The following BACH2 variants were observed in gnomAD, a reference collection of about 807,000 sequenced individuals.
The protein encoded by BACH2 is BACH transcriptional regulator 2.
A neutral mutation model predicts 61.8 loss-of-function variants in BACH2; 5 were observed. The ratio of observed to expected loss-of-function variants is 0.08; its 90% CI spans 0.04 to 0.17. The LOEUF (loss-of-function observed/expected upper bound fraction) is 0.17, where lower values mean the gene tolerates loss of function less well. Among genes scored for constraint, BACH2 ranks in the 10% least tolerant of loss-of-function variants. BACH2 has a pLI of 1.00. For missense variants in BACH2, 824 were observed against 1,091.1 expected, an observed-to-expected ratio of 0.76 and a Z score of 3.45; for synonymous variants, 446 against 440.1, an observed-to-expected ratio of 1.01 and a Z score of -0.17.
rs536473817 is a variant in BACH2, at chr6:90,281,008, A to T, written c.-445-9067T>A. 3.9e-5 allele frequency among the ~76,000 whole-genome samples: 6 copies of T among 152,332 alleles called. No homozygotes were observed. The South Asian group carries it at 1.2e-3, about 32-fold the overall frequency. Reference sequence around the variant, plus strand: ...GGTTTCCAGACCCCTAAACATCTTTATCACAGAAAATGCTCCCTCTGTGGT... The same window carrying T: ...GGTTTCCAGACCCCTAAACATCTTTTTCACAGAAAATGCTCCCTCTGTGGT... On this transcript the variant is annotated intron_variant, in intron 1 of 8. Coordinates refer to ENST00000257749, the MANE Select transcript of BACH2 (RefSeq NM_021813.4).
At chr6:90,103,383 C>T (rs1006348939) in intron 4 of BACH2, among the ~76,000 whole-genome samples, 3 of 151,876 alleles carry the variant, frequency 2.0e-5, no homozygotes, top group Non-Finnish European at 4.4e-5. Context: ...GAAGTGTGTC[C>T]GTGTGATGCT....
chr6:89,963,253 G>A (rs74541063), intron 6 of BACH2, among the ~76,000 whole-genome samples: 2,400 of 152,254 alleles, frequency 0.016, 66 homozygotes, highest in African/African-American at 0.055. Flanking sequence ...CGAGGCCGTG[G>A]AGAAATTGAA....
chr6:90,060,092 T>C (rs1780603174), intron 5 of BACH2, among the ~76,000 whole-genome samples: 1 of 151,350 alleles, frequency 6.6e-6, no homozygotes, highest in Non-Finnish European at 1.5e-5. Context: ...AAGCTGCACG[T>C]CGTGCACATG....
In BACH2 at chr6:89,926,683, T is replaced by C. The variant is rs1772376725; in HGVS notation, c.*5725A>G. 6.7e-6 allele frequency: 1 copy of C among 149,470 alleles called. No individual in the cohort carries two copies. Among genetic ancestry groups the C allele is most frequent in the Non-Finnish European group, 1.5e-5 (1 of 67,610 alleles). The allele number at this position is 149,470 out of a possible 1,614,324, so 9.3% of individuals were successfully genotyped here. A position where few individuals can be genotyped will look rare whatever the true frequency, so the allele number is the denominator to read the frequency against. On this transcript the variant is annotated 3_prime_UTR_variant, in exon 9 of 9. Coordinates refer to ENST00000257749, the MANE Select transcript of BACH2 (RefSeq NM_021813.4). ...AATGAAGTTTCAATTCATTAGTTCA[T>C]AGCAATGCTTTTTTCCCCCAAAAGG...
chr6:90,177,033 A>C (rs1343090798), intron 4 of BACH2, among the ~76,000 whole-genome samples: 14 of 152,164 alleles, frequency 9.2e-5, no homozygotes. Context: ...ATATTAAAAT[A>C]TTATTTCATG....
chr6:89,937,397 C>T (rs1468092008), intron 8 of BACH2, among the ~76,000 whole-genome samples: 1 of 152,184 alleles, frequency 6.6e-6, no homozygotes, highest in Non-Finnish European at 1.5e-5. Flanking sequence ...AGCCCTTCTG[C>T]AGTTCCCTCC....
intron 6 of BACH2, among the ~76,000 whole-genome samples, chr6:89,959,644 T>C (rs1179386158): frequency 1.3e-5 from 2 of 152,218 alleles, no homozygotes; most frequent in East Asian, 3.8e-4. Context: ...ACAACTTAAC[T>C]ACCTTAATAC....
At chr6:90,119,064 T>C (rs1783517999) in intron 4 of BACH2, among the ~76,000 whole-genome samples, 1 of 152,228 alleles carries the variant, frequency 6.6e-6, no homozygotes, top group Non-Finnish European at 1.5e-5. Context: ...AAATATATGT[T>C]ATCATCCACC....
intron 6 of BACH2, among the ~76,000 whole-genome samples, chr6:89,986,015 C>A (rs1030998220): frequency 6.6e-6 from 1 of 152,152 alleles, no homozygotes; most frequent in African/African-American, 2.4e-5. Flanking sequence ...CTGTTATAGC[C>A]GGACTTGTAA....
chr6:90,039,510 G>A (rs892663856), intron 5 of BACH2, among the ~76,000 whole-genome samples: 5 of 152,102 alleles, frequency 3.3e-5, no homozygotes, highest in Non-Finnish European at 7.4e-5. Flanking sequence ...TCAGCCTCCT[G>A]AGTAGTCGGG....
At chr6:90,133,748 G>C (rs2127824323) in intron 4 of BACH2, among the ~76,000 whole-genome samples, 1 of 152,086 alleles carries the variant, frequency 6.6e-6, no homozygotes, top group African/African-American at 2.4e-5. Context: ...GTGTCCAAGT[G>C]TTCTCATTGT....
At chr6:90,291,533 A>T (rs763711200) in intron 1 of BACH2, among the ~76,000 whole-genome samples, 1 of 151,174 alleles carries the variant, frequency 6.6e-6, no homozygotes, top group Non-Finnish European at 1.5e-5. Context: ...GGAAAAAATT[A>T]AAAGACCCTG....
intron 7 of BACH2, among the ~76,000 whole-genome samples, chr6:89,941,908 A>T (rs1180471729): frequency 6.6e-6 from 1 of 152,218 alleles, no homozygotes; most frequent in Non-Finnish European, 1.5e-5. Flanking sequence ...CACTAGGGGA[A>T]TAGGAGGGAG....
intron 5 of BACH2, among the ~76,000 whole-genome samples, chr6:90,066,124 A>G (rs1319129221): frequency 1.3e-5 from 2 of 152,170 alleles, no homozygotes; most frequent in Non-Finnish European, 2.9e-5. Flanking sequence ...CTAGGTTCCC[A>G]GAGTCCAGTG....
chr6:90,004,341 AAAC>A (rs1333374837), intron 6 of BACH2, among the ~76,000 whole-genome samples: 1 of 152,202 alleles, frequency 6.6e-6, no homozygotes, highest in Non-Finnish European at 1.5e-5. Context: ...AAGCGAGCAC[AAAC>A]CTGAAATCTA....
chr6:90,163,596 A>T (rs931030132), intron 4 of BACH2, among the ~76,000 whole-genome samples: 1 of 152,160 alleles, frequency 6.6e-6, no homozygotes, highest in African/African-American at 2.4e-5. Context: ...AAATATTTTA[A>T]ATCAAGACTA....
chr6:89,934,708 C>T (rs1349107410), intron 8 of BACH2, among the ~76,000 whole-genome samples: 1 of 151,818 alleles, frequency 6.6e-6, no homozygotes, highest in Non-Finnish European at 1.5e-5. Flanking sequence ...AGATGGGGTT[C>T]CATGAGGCAC....
chr6:90,127,737 G>A (rs1398860772), intron 4 of BACH2, among the ~76,000 whole-genome samples: 1 of 152,214 alleles, frequency 6.6e-6, no homozygotes, highest in Non-Finnish European at 1.5e-5. Flanking sequence ...ATGTTGTACA[G>A]ACTCTTTGGC....
At position 90,008,931 on chromosome 6, in the gene BACH2, G is replaced by A. The variant is rs1172020161; in HGVS notation, c.-12-75C>T. 6.5e-7 allele frequency: 1 copy of A among 1,529,406 alleles called. No individual in the cohort carries two copies. Among genetic ancestry groups the A allele is most frequent in the African/African-American group, 1.4e-5 (1 of 72,862 alleles). 94.7% of individuals were successfully genotyped at this position (1,529,406 alleles called of 1,614,324 possible). A position where few individuals can be genotyped will look rare whatever the true frequency, so the allele number is the denominator to read the frequency against. On this transcript the variant is annotated intron_variant, in intron 5 of 8. Transcript: ENST00000257749. The surrounding 1 kb of genome is among the most constrained non-coding windows in gnomAD (Gnocchi z 4.1). ...CACAGCTGTAGGATCAGAGAGAGGA[G>A]GTGAGAAAGAACATCATGGTTCCTG...
Sources: gnomAD v4.1 joint callset for allele counts (sites outside exome capture counted in the v4.1 genomes callset) on GRCh38, gnomAD v4.1.1 for gene constraint, Gnocchi (gnomAD v3.1) non-coding constraint, MANE v1.5 for transcripts, NCBI Gene and HGNC (gene_info 2026-07-23, HGNC 2026-07-21) for gene names.